The following PDE12 variants were observed in gnomAD, a reference collection of about 807,000 sequenced individuals.
PDE12 encodes the protein 2',5'-phosphodiesterase 12.
In PDE12, 26 loss-of-function variants were observed where a neutral mutation model predicts 45.4. The ratio of observed to expected loss-of-function variants is 0.57; its 90% CI spans 0.42 to 0.79. The LOEUF (loss-of-function observed/expected upper bound fraction) is 0.79, where lower values mean the gene tolerates loss of function less well. Among genes scored for constraint, PDE12 ranks in the 30% least tolerant of loss-of-function variants. The pLI is 0.00. For synonymous variants in PDE12, 283 were observed against 323.9 expected, an observed-to-expected ratio of 0.87 and a Z score of 1.36; for missense variants, 668 against 790.0, an observed-to-expected ratio of 0.85 and a Z score of 1.85.
chr3:57,614,537 G>GTTT, the PDE12 span, among the ~76,000 whole-genome samples: 91 of 95,052 alleles, frequency 9.6e-4, 5 homozygotes, highest in Admixed American at 1.3e-3. Context: ...TTTTTTTTTT[G>GTTT]TTTTTTGTTT....
At chr3:57,570,234 TTTTTTG>T (rs1353947425), downstream of PDE12, among the ~76,000 whole-genome samples, 3 of 147,098 alleles carry the variant, frequency 2.0e-5, no homozygotes, top group African/African-American at 5.1e-5. Context: ...TTTTTTTTTT[TTTTTTG>T]GAGACAGAGT....
the PDE12 span, chr3:57,628,375 A>T: frequency 1.0e-5 from 16 of 1,606,922 alleles, no homozygotes; most frequent in African/African-American, 1.3e-5. Context: ...TAACATTTAA[A>T]TTATCCTCAG....
chr3:57,582,795 G>A, the PDE12 span, among the ~76,000 whole-genome samples: 1 of 152,132 alleles, frequency 6.6e-6, no homozygotes, highest in East Asian at 1.9e-4. Context: ...TTCCTTGGGT[G>A]GTAGAAAACA....
the PDE12 span, among the ~76,000 whole-genome samples, chr3:57,598,956 T>C: frequency 6.6e-6 from 1 of 152,184 alleles, no homozygotes; most frequent in Non-Finnish European, 1.5e-5. Flanking sequence ...CCCCAAAATA[T>C]GAGACAGGCC....
the PDE12 span, among the ~76,000 whole-genome samples, chr3:57,650,235 A>C: frequency 1.3e-5 from 2 of 151,926 alleles, no homozygotes; most frequent in Non-Finnish European, 1.5e-5. Context: ...AGAAATCATC[A>C]CTAAAGAACT....
chr3:57,590,435 G>A, the PDE12 span, among the ~76,000 whole-genome samples: 53 of 152,096 alleles, frequency 3.5e-4, no homozygotes, highest in African/African-American at 1.2e-3. Context: ...GTAGTGAGCC[G>A]AGATTGCGCC....
chr3:57,574,405 C>CA, the PDE12 span, among the ~76,000 whole-genome samples: 1 of 106,802 alleles, frequency 9.4e-6, no homozygotes, highest in African/African-American at 2.9e-5. Context: ...TAGAGAAGTA[C>CA]AAATTTTTTT....
At chr3:57,634,461 C>A in the PDE12 span, 3 of 553,696 alleles carry the variant, frequency 5.4e-6, no homozygotes, top group Non-Finnish European at 5.5e-6. Context: ...AGGAGAGATC[C>A]TATTTCACAT....
chr3:57,628,634 T>C, the PDE12 span, among the ~76,000 whole-genome samples: 1 of 152,246 alleles, frequency 6.6e-6, no homozygotes, highest in Non-Finnish European at 1.5e-5. Flanking sequence ...TATGGCATCA[T>C]TATGGTCTGT....
chr3:57,613,220 A>G, the PDE12 span, among the ~76,000 whole-genome samples: 1,939 of 150,214 alleles, frequency 0.013, 46 homozygotes, highest in African/African-American at 0.044. Context: ...AGCTCAGGCA[A>G]TTTGCCTGCC....
At chr3:57,624,082 G>T in the PDE12 span, among the ~76,000 whole-genome samples, 1 of 152,082 alleles carries the variant, frequency 6.6e-6, no homozygotes, top group Non-Finnish European at 1.5e-5. Context: ...CGAACTCCTG[G>T]GCATGCACTA....
At chr3:57,641,554 A>G in the PDE12 span, 2 of 1,019,766 alleles carry the variant, frequency 2.0e-6, no homozygotes, top group South Asian at 2.0e-5. Context: ...GGCCTTGAAG[A>G]AAGCTGCCAT....
the PDE12 span, among the ~76,000 whole-genome samples, chr3:57,602,796 C>A: frequency 6.6e-6 from 1 of 151,928 alleles, no homozygotes; most frequent in Non-Finnish European, 1.5e-5. Flanking sequence ...GTCTCCAACT[C>A]CTGACCTCAG....
chr3:57,578,034 G>C, the PDE12 span, among the ~76,000 whole-genome samples: 1 of 152,070 alleles, frequency 6.6e-6, no homozygotes, highest in Admixed American at 6.6e-5. Context: ...CTGGGTGGCA[G>C]AGCGAGACCC....
the PDE12 span, among the ~76,000 whole-genome samples, chr3:57,642,709 T>C: frequency 2.0e-5 from 3 of 151,888 alleles, no homozygotes; most frequent in Middle Eastern, 3.4e-3. Context: ...AAGCACTTAT[T>C]AGAAAGATCA....
At chr3:57,636,417 C>A in the PDE12 span, among the ~76,000 whole-genome samples, 1 of 152,026 alleles carries the variant, frequency 6.6e-6, no homozygotes, top group Admixed American at 6.6e-5. Context: ...TAAGTAAATG[C>A]AAGATACTGG....
the PDE12 span, among the ~76,000 whole-genome samples, chr3:57,650,480 C>T: frequency 6.6e-6 from 1 of 151,836 alleles, no homozygotes; most frequent in Non-Finnish European, 1.5e-5. Flanking sequence ...GCTTTGTCCA[C>T]TTGAGAGGGT....
At chr3:57,620,385 CA>C in the PDE12 span, among the ~76,000 whole-genome samples, 725 of 134,802 alleles carry the variant, frequency 5.4e-3, 5 homozygotes, top group African/African-American at 0.017. Flanking sequence ...ATCCCCTCTC[CA>C]AAAAAAAAAA....
chr3:57,581,967 CA>C, the PDE12 span, among the ~76,000 whole-genome samples: 1 of 152,100 alleles, frequency 6.6e-6, no homozygotes, highest in Non-Finnish European at 1.5e-5. Flanking sequence ...AATCCAAATC[CA>C]AAACTTCCCG....
Sources: gnomAD v4.1 joint callset for allele counts (sites outside exome capture counted in the v4.1 genomes callset) on GRCh38, gnomAD v4.1.1 for gene constraint, MANE v1.5 for transcripts, NCBI Gene and HGNC (gene_info 2026-07-23, HGNC 2026-07-21) for gene names.